PPP1R21: variants seen among roughly 807,000 people sequenced by gnomAD.
PPP1R21 encodes protein phosphatase 1 regulatory subunit 21, also known as KLRAQ motif containing 1.
PPP1R21 carries 85 observed loss-of-function variants against 112.8 expected under a neutral mutation model. That is an observed-to-expected ratio of 0.75 (90% CI 0.63 to 0.90). The LOEUF (loss-of-function observed/expected upper bound fraction) is 0.90, where lower values mean the gene tolerates loss of function less well. PPP1R21 is among the 40% of genes least tolerant of loss of function. PPP1R21 has a pLI of 0.00. For missense variants in PPP1R21, 1,199 were observed against 901.5 expected (o/e 1.33, Z -4.23); for synonymous variants, 381 against 322.3 (o/e 1.18, Z -1.95).
intron 15 of PPP1R21, among the ~76,000 whole-genome samples, chr2:48,494,393 A>G (rs946232831): frequency 1.3e-5 from 2 of 149,764 alleles, no homozygotes; most frequent in Non-Finnish European, 3.0e-5. Flanking sequence ...CAAGTCATCT[A>G]ACATAAAGCC....
intron 14 of PPP1R21, 36 bp from the exon 15 acceptor site, chr2:48,490,982 A>G (rs1669537469): frequency 1.3e-6 from 2 of 1,594,256 alleles, no homozygotes; most frequent in Non-Finnish European, 8.6e-7. Flanking sequence ...ATATTGTTGG[A>G]AAACAAAATC....
intron 1 of PPP1R21, among the ~76,000 whole-genome samples, chr2:48,443,897 T>C (rs1667141906): frequency 6.6e-6 from 1 of 152,210 alleles, no homozygotes; most frequent in African/African-American, 2.4e-5. Flanking sequence ...TCTTAATCTG[T>C]AGAAGGAAGC....
rs148229375 is a variant in PPP1R21 at position 48,454,711 on chromosome 2, T to C, written c.243T>C (p.Ala81=). ...TAGAACTACTTCAAGATGAACTAGC[T>C]CTAAGTGAACCACGAGGCAAGAAAA... ...KRVELLQDEL[A]LSEPRGKKNK... The change falls in exon 3 of 22, where the codon GCT becomes GCC. Residue 81 remains alanine, a synonymous_variant. Coordinates refer to ENST00000294952, the MANE Select transcript of PPP1R21 (RefSeq NM_001135629.3). 3.9e-3 allele frequency: 6,280 copies of C among 1,614,020 alleles called. 166 individuals are homozygous for C. In the African/African-American group the frequency reaches 0.065, roughly 17 times the overall value.
chr2:48,515,363 C>G lies in PPP1R21; in HGVS notation c.*619C>G, dbSNP rs1670830707. 1 of 152,064 alleles carries G rather than the reference C, an allele frequency of 6.6e-6. No homozygotes were observed. Among genetic ancestry groups the G allele is most frequent in the Admixed American group, 6.6e-5 (1 of 15,242 alleles). The allele number at this position is 152,064 out of a possible 1,614,324, so 9.4% of individuals were successfully genotyped here. The stretch of plus-strand genomic sequence containing the variant: ...AGTAATAGCTAAAGGAAGTTCATGT[C>G]AATAAATTCATACTTATATCACACT... On this transcript the variant is annotated 3_prime_UTR_variant, in exon 22 of 22. Transcript: ENST00000294952.
intron 14 of PPP1R21, among the ~76,000 whole-genome samples, chr2:48,490,169 A>G (rs1218129510): frequency 2.1e-5 from 3 of 140,494 alleles, no homozygotes; most frequent in Non-Finnish European, 4.5e-5. Flanking sequence ...CAGTGAGCTG[A>G]GATTGTGCCA....
At chr2:48,510,192 A>G in intron 20 of PPP1R21, 79 bp downstream of exon 20, 1 of 1,058,208 alleles carries the variant, frequency 9.4e-7, no homozygotes, top group African/African-American at 1.6e-5. Context: ...TTTCTTTTCC[A>G]AAGGCATTTG....
At chr2:48,478,929 ATCTC>A (rs748512172) in intron 12 of PPP1R21, among the ~76,000 whole-genome samples, 1 of 152,168 alleles carries the variant, frequency 6.6e-6, no homozygotes, top group Non-Finnish European at 1.5e-5. Flanking sequence ...CCTGGGCTAA[ATCTC>A]TATGGGCTAG....
chr2:48,485,916 AACTAATATATACAAT>A, intron 13 of PPP1R21, among the ~76,000 whole-genome samples: 1 of 145,532 alleles, frequency 6.9e-6, no homozygotes, highest in African/African-American at 2.5e-5. Flanking sequence ...TGTATATACT[AACTAATATATACAAT>A]TGTATATACT....
chr2:48,461,211 A>G lies in PPP1R21; in HGVS notation c.673A>G (p.Lys225Glu). The G allele has an allele frequency of 6.3e-7, 1 of 1,582,954 alleles. No homozygotes were observed. The highest frequency in any genetic ancestry group is 8.5e-7 in the Non-Finnish European group (1 of 1,170,156). Reference protein sequence around the residue: ...LEESLSIINEKVPFNDTKYSQ... With the variant: ...LEESLSIINEEVPFNDTKYSQ... The stretch of plus-strand genomic sequence containing the variant: ...GGAATCCTTATCAATCATCAATGAA[A>G]AAGTACCTTTTAATGATACAAGTAG... Residue 225 changes from lysine to glutamate, a missense_variant, in exon 7 of 22, where the codon AAA (lysine) becomes GAA (glutamate). Coordinates refer to ENST00000294952, the MANE Select transcript of PPP1R21 (RefSeq NM_001135629.3).
At chr2:48,480,260 GAA>G (rs946859235) in intron 13 of PPP1R21, among the ~76,000 whole-genome samples, 4 of 152,182 alleles carry the variant, frequency 2.6e-5, no homozygotes, top group African/African-American at 9.7e-5. Flanking sequence ...ACTTTAGCCA[GAA>G]ATACGTTACA....
intron 16 of PPP1R21, among the ~76,000 whole-genome samples, chr2:48,496,117 C>A (rs1669822843): frequency 6.6e-6 from 1 of 151,824 alleles, no homozygotes; most frequent in African/African-American, 2.4e-5. Flanking sequence ...ATTTTTATTT[C>A]TTAAAGGAGC....
intron 14 of PPP1R21, among the ~76,000 whole-genome samples, chr2:48,488,334 A>G (rs984544090): frequency 2.0e-5 from 3 of 151,728 alleles, no homozygotes. Context: ...AAAAGAGAGA[A>G]TGTTGGTATT....
At chr2:48,464,398 T>G (rs1668109626) in intron 7 of PPP1R21, among the ~76,000 whole-genome samples, 1 of 151,904 alleles carries the variant, frequency 6.6e-6, no homozygotes, top group African/African-American at 2.4e-5. Flanking sequence ...GAGGTATGGC[T>G]AGGTAGGAGG....
intron 3 of PPP1R21, among the ~76,000 whole-genome samples, chr2:48,456,308 A>G (rs1278252126): frequency 2.0e-5 from 3 of 148,812 alleles, no homozygotes; most frequent in Non-Finnish European, 4.4e-5. Context: ...TCTTGTATGT[A>G]TATAGACTAA....
At chr2:48,470,503 G>C (rs1668450357) in intron 9 of PPP1R21, among the ~76,000 whole-genome samples, 1 of 145,560 alleles carries the variant, frequency 6.9e-6, no homozygotes, top group Non-Finnish European at 1.5e-5. Context: ...TTGGGGGACA[G>C]AGTGAAACTC....
intron 17 of PPP1R21, among the ~76,000 whole-genome samples, chr2:48,503,675 C>T (rs780848168): frequency 2.1e-4 from 32 of 152,132 alleles, no homozygotes; most frequent in Middle Eastern, 3.4e-3. Flanking sequence ...TTGTCGGGCG[C>T]GGTGGCTCAC....
At chr2:48,477,000 T>C (rs1241346449) in intron 12 of PPP1R21, among the ~76,000 whole-genome samples, 4 of 152,136 alleles carry the variant, frequency 2.6e-5, no homozygotes, top group Non-Finnish European at 4.4e-5. Flanking sequence ...TTTGATGTCA[T>C]ATCTAAGAAT....
chr2:48,479,607 T>C, intron 12 of PPP1R21: 1 of 544,432 alleles, frequency 1.8e-6, no homozygotes, highest in South Asian at 1.5e-5. Context: ...GAATGAAAAA[T>C]GCATTATATA....
chr2:48,495,230 G>GTC lies in PPP1R21; in HGVS notation c.1600-446_1600-445dup, dbSNP rs370871241. On this transcript the variant is annotated intron_variant, in intron 15 of 21. Transcript: ENST00000294952. The stretch of plus-strand genomic sequence containing the variant: ...CTTTTTTTTTTCTTTTTGAGACGGA[G>GTC]TCTCGCTCTGTTGTCCAGGCTAGAG... 4.5e-4 allele frequency among the ~76,000 whole-genome samples: 69 copies of GTC among 151,780 alleles called. 2 individuals carry two copies. Among genetic ancestry groups the GTC allele is most frequent in the African/African-American group, 1.6e-3 (67 of 41,368 alleles).
Sources: gnomAD v4.1 joint callset for allele counts (sites outside exome capture counted in the v4.1 genomes callset) on GRCh38, gnomAD v4.1.1 for gene constraint, MANE v1.5 for transcripts, NCBI Gene and HGNC (gene_info 2026-07-23, HGNC 2026-07-21) for gene names.